The following RSRC1 variants were observed in gnomAD, a reference collection of about 807,000 sequenced individuals.
RSRC1 encodes the protein arginine and serine rich coiled-coil 1, also known as serine/Arginine-related protein 53.
A neutral mutation model predicts 49.1 loss-of-function variants in RSRC1; 39 were observed. The ratio of observed to expected loss-of-function variants is 0.79; its 90% confidence interval spans 0.61 to 1.04. The LOEUF (loss-of-function observed/expected upper bound fraction) is 1.04, where lower values mean the gene tolerates loss of function less well. Ranked by LOEUF, RSRC1 falls within the 50% of genes least tolerant of loss-of-function variation. The probability of loss-of-function intolerance (pLI) is 0.00; values close to 1 mark genes in which losing one functional copy is unlikely to be tolerated. For synonymous variants in RSRC1, 143 were observed against 130.8 expected (o/e 1.09, Z -0.63); for missense variants, 388 against 402.4 (o/e 0.96, Z 0.31).
intron 3 of RSRC1, among the ~76,000 whole-genome samples, chr3:158,128,241 C>T (rs919174446): frequency 9.9e-5 from 15 of 152,122 alleles, no homozygotes; most frequent in African/African-American, 2.7e-4. Context: ...TTCCCCAGTC[C>T]GTTACCCTAA....
chr3:158,517,790 T>A, intron 7 of RSRC1, among the ~76,000 whole-genome samples: 1 of 131,412 alleles, frequency 7.6e-6, no homozygotes, highest in African/African-American at 3.2e-5. Flanking sequence ...TTTTTTTTTT[T>A]TTTGTTGAGA....
intron 4 of RSRC1, among the ~76,000 whole-genome samples, chr3:158,264,095 C>T (rs905078209): frequency 6.6e-6 from 1 of 151,850 alleles, no homozygotes; most frequent in Non-Finnish European, 1.5e-5. Flanking sequence ...TTTAATTCTC[C>T]TCTTCTTCTA....
intron 4 of RSRC1, among the ~76,000 whole-genome samples, chr3:158,245,623 A>G (rs994490477): frequency 6.6e-6 from 1 of 152,146 alleles, no homozygotes; most frequent in Admixed American, 6.5e-5. Context: ...GTGGCTTGTT[A>G]AAGTCTCCCA....
chr3:158,221,749 C>G (rs772386786), intron 4 of RSRC1, among the ~76,000 whole-genome samples: 2 of 151,456 alleles, frequency 1.3e-5, no homozygotes, highest in Non-Finnish European at 3.0e-5. Context: ...CTCAACCTGC[C>G]AGTTCTTCAA....
At chr3:158,118,462 T>TGTGTGCGTGTGTGTGCGCGCGC (rs1491469875) in intron 1 of RSRC1, among the ~76,000 whole-genome samples, 4 of 124,682 alleles carry the variant, frequency 3.2e-5, no homozygotes, top group Non-Finnish European at 6.5e-5. Flanking sequence ...TGTGTGTGTG[T>TGTGTGCGTGTGTGTGCGCGCGC]GCGCGTGCGC....
intron 3 of RSRC1, among the ~76,000 whole-genome samples, chr3:158,129,570 C>G (rs1715874210): frequency 6.6e-6 from 1 of 152,070 alleles, no homozygotes; most frequent in South Asian, 2.1e-4. Flanking sequence ...GGATTACAAG[C>G]ATAAGCCACC....
In RSRC1 at chr3:158,543,461, G is replaced by A; in HGVS notation, c.886G>A (p.Asp296Asn). The change falls in exon 9 of 10, where the codon GAT (aspartate) becomes AAT (asparagine). Residue 296 changes from aspartate to asparagine, a missense_variant. Asp to Asn is a conservative substitution (Grantham distance 23). Coordinates refer to ENST00000611884, the MANE Select transcript of RSRC1 (RefSeq NM_001271838.2). ...TSIPTAIKYQ[D>N]DNSLAHPNLF... ...CATCCCTACTGCTATCAAGTACCAA[G>A]ATGACAATTCCCTGGCCCATCCAAA... is the stretch of plus-strand genomic sequence containing the variant. 7 of 1,609,666 alleles carry A rather than the reference G, an allele frequency of 4.3e-6. No homozygotes were observed. The highest frequency in any genetic ancestry group is 5.9e-6 in the Non-Finnish European group (7 of 1,177,990).
intron 6 of RSRC1, among the ~76,000 whole-genome samples, chr3:158,383,808 A>G (rs1273192531): frequency 6.6e-6 from 1 of 152,284 alleles, no homozygotes; most frequent in South Asian, 2.1e-4. Flanking sequence ...AGTCACAAAC[A>G]AGTGATTTAC....
At chr3:158,525,297 A>T (rs1595027) in intron 7 of RSRC1, among the ~76,000 whole-genome samples, 12,457 of 152,022 alleles carry the variant, frequency 0.082, 550 homozygotes, top group East Asian at 0.12. Flanking sequence ...TAATCTTATG[A>T]AGAAAATGCT....
intron 6 of RSRC1, among the ~76,000 whole-genome samples, chr3:158,428,374 A>C (rs1735579819): frequency 6.6e-6 from 1 of 151,888 alleles, no homozygotes; most frequent in African/African-American, 2.4e-5. Context: ...CACTACTCTT[A>C]GGAAACAGAA....
intron 7 of RSRC1, among the ~76,000 whole-genome samples, chr3:158,532,123 A>G (rs773826407): frequency 2.6e-5 from 4 of 151,894 alleles, no homozygotes; most frequent in Non-Finnish European, 5.9e-5. Context: ...CAATATTATT[A>G]GTATATATTT....
intron 7 of RSRC1, among the ~76,000 whole-genome samples, chr3:158,479,646 C>T (rs1225953449): frequency 6.6e-6 from 1 of 152,008 alleles, no homozygotes; most frequent in Non-Finnish European, 1.5e-5. Context: ...ACTGACCTTA[C>T]TCGGAATAGT....
At chr3:158,403,508 A>G (rs1027027551) in intron 6 of RSRC1, among the ~76,000 whole-genome samples, 7 of 151,776 alleles carry the variant, frequency 4.6e-5, no homozygotes, top group African/African-American at 1.4e-4. Context: ...GTGCTCATTA[A>G]TATGTCCACT....
intron 3 of RSRC1, among the ~76,000 whole-genome samples, chr3:158,186,343 A>C (rs1045187857): frequency 1.3e-5 from 2 of 152,016 alleles, no homozygotes; most frequent in African/African-American, 4.8e-5. Context: ...TGTTAAATTT[A>C]GTGCAACTAC....
At chr3:158,501,277 A>G (rs1560067076) in intron 7 of RSRC1, among the ~76,000 whole-genome samples, 3 of 152,138 alleles carry the variant, frequency 2.0e-5, no homozygotes, top group South Asian at 2.1e-4. Context: ...TTTATGGCCT[A>G]TCTTATGGTC....
At chr3:158,405,384 A>G (rs1035689674) in intron 6 of RSRC1, among the ~76,000 whole-genome samples, 1 of 152,076 alleles carries the variant, frequency 6.6e-6, no homozygotes, top group Non-Finnish European at 1.5e-5. Flanking sequence ...AATTCTGTTA[A>G]TTTTATGAAC....
In RSRC1 at chr3:158,367,269, G is replaced by C. The variant is rs918077894; in HGVS notation, c.583+12361G>C. Among the ~76,000 whole-genome samples the C allele has an allele frequency of 7.2e-5, 11 of 152,138 alleles. No individual in the cohort carries two copies. In the East Asian group the frequency reaches 7.7e-4, roughly 11 times the overall value. On this transcript the variant is annotated intron_variant, in intron 6 of 9. Transcript: ENST00000611884. Reference sequence around the variant, plus strand: ...CCCATTCAGTATGATATTGGCTGTGGGTTTGTCATAAATAGCTCTTATTAT... The same window carrying C: ...CCCATTCAGTATGATATTGGCTGTGCGTTTGTCATAAATAGCTCTTATTAT...
intron 4 of RSRC1, among the ~76,000 whole-genome samples, chr3:158,214,191 G>A (rs1033006392): frequency 6.6e-6 from 1 of 151,718 alleles, no homozygotes; most frequent in Admixed American, 6.6e-5. Context: ...TTGGATTTTG[G>A]TATTCATATT....
chr3:158,304,418 G>T (rs185528459), intron 5 of RSRC1, among the ~76,000 whole-genome samples: 26 of 152,030 alleles, frequency 1.7e-4, no homozygotes, highest in African/African-American at 6.3e-4. Context: ...ATACTTTTGG[G>T]GATTCAGTTA....
Sources: gnomAD v4.1 joint callset for allele counts (sites outside exome capture counted in the v4.1 genomes callset) on GRCh38, gnomAD v4.1.1 for gene constraint, MANE v1.5 for transcripts, NCBI Gene and HGNC (gene_info 2026-07-23, HGNC 2026-07-21) for gene names.